FLII: variants seen among roughly 807,000 people sequenced by gnomAD.
FLII encodes FLII actin remodeling protein.
FLII carries 101 observed loss-of-function variants against 156.2 expected under a neutral mutation model. The ratio of observed to expected loss-of-function variants is 0.65; its 90% CI spans 0.55 to 0.76. The LOEUF (loss-of-function observed/expected upper bound fraction) is 0.76. Ranked by LOEUF, FLII falls within the 30% of genes least tolerant of loss-of-function variation. FLII has a pLI of 0.00. For missense variants in FLII, 1,675 were observed against 1,682.8 expected (o/e 1.00, Z 0.08); for synonymous variants, 767 against 685.8 (o/e 1.12, Z -1.85).
In FLII at chr17:18,248,040, G is replaced by C; in HGVS notation, c.2191-7C>G. 6.3e-7 allele frequency: 1 copy of C among 1,597,782 alleles called. No homozygotes were observed. Among genetic ancestry groups the C allele is most frequent in the Non-Finnish European group, 8.6e-7 (1 of 1,166,200 alleles). The stretch of plus-strand genomic sequence containing the variant: ...AGCCCAAGCCCAGGCCCACCTGGCA[G>C]GAAGGATGAGCATGGCAGGGAAGGG... On this transcript the variant is annotated splice_region_variant and splice_polypyrimidine_tract_variant and intron_variant, in intron 18 of 29. Transcript: ENST00000327031.
At chr17:18,257,439 T>C (rs57490980) in intron 1 of FLII, among the ~76,000 whole-genome samples, 2 of 152,074 alleles carry the variant, frequency 1.3e-5, no homozygotes, top group African/African-American at 4.8e-5. Context: ...ATCAGCACAC[T>C]GGCAACTCAC....
chr17:18,247,955 C>A lies in FLII; in HGVS notation c.2269G>T (p.Val757Leu), dbSNP rs1482613474. The change falls in exon 19 of 30, where the codon GTG (valine) becomes TTG (leucine). Residue 757 changes from valine to leucine, a missense_variant. This residue lies in a region of FLII where 1,332 missense variants were observed against 1,269.3 expected (regional missense o/e 1.05). Transcript: ENST00000327031. ...LSVEHKQRPK[V>L]ELMPRMRLLQ... ...AGCCGCATTCTTGGCATCAGCTCCA[C>A]CTTGGGACGCTGCTTATGTTCCACG... 1 of 1,614,076 alleles carries A rather than the reference C, an allele frequency of 6.2e-7. No individual in the cohort carries two copies. The highest frequency in any genetic ancestry group is 8.5e-7 in the Non-Finnish European group (1 of 1,180,016).
intron 7 of FLII, 72 bp downstream of exon 7, chr17:18,254,007 C>T (rs1210506964): frequency 3.3e-6 from 4 of 1,197,878 alleles, no homozygotes; most frequent in Non-Finnish European, 3.6e-6. Context: ...CAGGGTTCAA[C>T]CCCTTCCACC....
In FLII at chr17:18,245,145, A is replaced by G; in HGVS notation, c.3803T>C (p.Leu1268Pro). 2 of 1,612,506 alleles carry G rather than the reference A, an allele frequency of 1.2e-6. No homozygotes were observed. Among genetic ancestry groups the G allele is most frequent in the Non-Finnish European group, 1.7e-6 (2 of 1,179,128 alleles). ...FHAWSAFCKA[L>P]A Reference sequence around the variant, plus strand: ...GGGCTGTGCCAGCCTGTCTTAGGCCAGGGCCTTGCAGAAGGCGCTCCAGGC... The same window carrying G: ...GGGCTGTGCCAGCCTGTCTTAGGCCGGGGCCTTGCAGAAGGCGCTCCAGGC... The change falls in exon 30 of 30, where the codon CTG becomes CCG. Residue 1268 changes from leucine (L) to proline (P), a missense_variant. Coordinates refer to ENST00000327031, the MANE Select transcript of FLII (RefSeq NM_002018.4).
intron 20 of FLII, 128 bp from the exon 21 acceptor site, chr17:18,247,485 C>T (rs2048116756): frequency 2.8e-6 from 3 of 1,087,626 alleles, no homozygotes; most frequent in South Asian, 3.1e-5. Context: ...GCCTCGGACA[C>T]GGAGGTAGGA....
Position 18,244,995 on chromosome 17 carries a change from T to G in FLII, c.*143A>C. 6 of 879,882 alleles carry G rather than the reference T, an allele frequency of 6.8e-6. No homozygotes were observed. Among genetic ancestry groups the G allele is most frequent in the Non-Finnish European group, 1.1e-5 (6 of 566,024 alleles). 54.5% of individuals were successfully genotyped at this position (879,882 alleles called of 1,614,324 possible). On this transcript the variant is annotated 3_prime_UTR_variant, in exon 30 of 30. Coordinates refer to ENST00000327031, the MANE Select transcript of FLII (RefSeq NM_002018.4). ...AGGGCACCTGTCAGGGTCATCCCCA[T>G]TGGTGCTGCTTGAGGCTACTGGGGA...
At position 18,252,564 on chromosome 17, in the gene FLII, G is replaced by A; in HGVS notation, c.1014-8C>T. 6.2e-7 allele frequency: 1 copy of A among 1,612,514 alleles called. No homozygotes were observed. The highest frequency in any genetic ancestry group is 8.5e-7 in the Non-Finnish European group (1 of 1,179,094). ...TTCCTCAGCTTTGGGCACCTGTGAA[G>A]ACAGGGCCAGCCAGGGCCTCAGGCA... On this transcript the variant is annotated splice_region_variant and splice_polypyrimidine_tract_variant and intron_variant, in intron 9 of 29. Coordinates refer to ENST00000327031, the MANE Select transcript of FLII (RefSeq NM_002018.4).
Position 18,256,959 on chromosome 17 carries a change from G to A in FLII, c.124C>T (p.Arg42Cys), listed in dbSNP as rs368020590. ...MTSLRWLKLN[R>C]TGLCYLPEEL... ...TCGGGCAGGTAGCAGAGGCCAGTGC[G>A]GTTCAGCTTCAGCCACCGCAGGCTG... The change falls in exon 2 of 30, where the codon CGC becomes TGC. Residue 42 changes from arginine to cysteine, a missense_variant. This residue lies in a region of FLII where 343 missense variants were observed against 413.5 expected (regional missense o/e 0.83). Transcript: ENST00000327031. The A allele has an allele frequency of 4.1e-5, 66 of 1,612,112 alleles. No individual in the cohort carries two copies. Among genetic ancestry groups the A allele is most frequent in the South Asian group, 3.3e-4 (30 of 90,634 alleles).
intron 14 of FLII, among the ~76,000 whole-genome samples, chr17:18,250,194 C>T (rs1403092988): frequency 4.6e-5 from 7 of 152,138 alleles, no homozygotes; most frequent in Non-Finnish European, 1.0e-4. Flanking sequence ...AATATGGACA[C>T]GTTCACCCAC....
rs1437745760 is a variant in FLII at position 18,244,835 on chromosome 17, A to G, written c.*303T>C. The G allele has an allele frequency of 2.6e-6, 1 of 385,982 alleles. No individual in the cohort carries two copies. The highest frequency in any genetic ancestry group is 4.6e-6 in the Non-Finnish European group (1 of 218,472). 23.9% of individuals were successfully genotyped at this position (385,982 alleles called of 1,614,324 possible). A position where few individuals can be genotyped will look rare whatever the true frequency, so the allele number is the denominator to read the frequency against. On this transcript the variant is annotated 3_prime_UTR_variant, in exon 30 of 30. Transcript: ENST00000327031. ...CGCCATTTTAATATTAAAAATACTG[A>G]TTTTTAATATTGAAAATAAAAGCAT...
rs542398628 is a variant in FLII at position 18,254,375 on chromosome 17, T to C, written c.575+146A>G. On this transcript the variant is annotated intron_variant, in intron 6 of 29. Transcript: ENST00000327031. The stretch of plus-strand genomic sequence containing the variant: ...CAGGACTGAGAGGTGGACATGATAC[T>C]TAGGAGGTTGTACACTGAGGGGTGC... 1.1e-5 allele frequency: 9 copies of C among 854,924 alleles called. No individual in the cohort carries two copies. In the East Asian group the frequency reaches 2.4e-4, roughly 23 times the overall value. 53.0% of individuals were successfully genotyped at this position (854,924 alleles called of 1,614,324 possible). A position where few individuals can be genotyped will look rare whatever the true frequency, so the allele number is the denominator to read the frequency against.
At chr17:18,254,943 G>C in intron 4 of FLII, 89 bp from the exon 5 acceptor site, 2 of 1,327,638 alleles carry the variant, frequency 1.5e-6, no homozygotes. Context: ...GCACTGAGTT[G>C]GGTGTGGGGG....
chr17:18,258,794 C>T (rs1221556188), upstream of FLII: 2 of 654,324 alleles, frequency 3.1e-6, no homozygotes, highest in African/African-American at 1.9e-5. This position sits in a 1 kb window ranked among gnomAD's most constrained non-coding sequence, Gnocchi z 4.2. Context: ...CCCTTTAACC[C>T]GCCCGCGCCC....
At chr17:18,248,949 A>G in intron 16 of FLII, 66 bp from the exon 17 acceptor site, 2 of 1,476,660 alleles carry the variant, frequency 1.4e-6, no homozygotes, top group Middle Eastern at 1.7e-4. Context: ...CATGCTCCTG[A>G]CCCCACCAAA....
chr17:18,258,752 G>GGAGCCGCGGGCTGGGCC (rs1224243723), upstream of FLII: 1 of 1,207,312 alleles, frequency 8.3e-7, no homozygotes, highest in East Asian at 3.4e-5. The surrounding 1 kb of genome is among the most constrained non-coding windows in gnomAD (Gnocchi z 4.2). Context: ...GGCGCTGGGG[G>GGAGCCGCGGGCTGGGCC]GAGCCGCGGG....
At chr17:18,250,395 C>G (rs2048222736) in intron 14 of FLII, among the ~76,000 whole-genome samples, 2 of 152,160 alleles carry the variant, frequency 1.3e-5, no homozygotes, top group Admixed American at 1.3e-4. Context: ...GCGGCTAACA[C>G]TGCTCAGTAA....
chr17:18,246,761 T>TGCCCTCGGCCTTCTCC lies in FLII; in HGVS notation c.2868_2883dup (p.Lys962GlyfsTer14). The TGCCCTCGGCCTTCTCC allele has an allele frequency of 6.2e-7, 1 of 1,613,994 alleles. No homozygotes were observed. The highest frequency in any genetic ancestry group is 8.5e-7 in the Non-Finnish European group (1 of 1,179,922). The stretch of plus-strand genomic sequence containing the variant: ...TCAGCGGTTGCTTCCTCGCCTTCTT[T>TGCCCTCGGCCTTCTCC]GCCCTCGGCCTTCTCCTCCTTGTCT... On this transcript the variant is annotated frameshift_variant, in exon 23 of 30. Transcript: ENST00000327031. LOFTEE classifies it high-confidence loss of function.
Position 18,252,039 on chromosome 17 carries a change from T to G in FLII, c.1206A>C (p.Leu402=). 6 of 1,613,226 alleles carry G rather than the reference T, an allele frequency of 3.7e-6. No homozygotes were observed. The highest frequency in any genetic ancestry group is 5.1e-6 in the Non-Finnish European group (6 of 1,179,978). The change falls in exon 11 of 30, where the codon CTA becomes CTC. Residue 402 remains leucine, a synonymous_variant. Transcript: ENST00000327031. ...IDFSLQNQLR[L]AGASPATVAA... ...CCACGGTAGCAGGAGAGGCACCCGC[T>G]AGCCGCAGCTGGTTCTGCAGCGAGA... is the stretch of plus-strand genomic sequence containing the variant.
Position 18,249,478 on chromosome 17 carries a change from T to TG in FLII, c.1777-71dup, listed in dbSNP as rs143961427. Reference sequence around the variant, plus strand: ...CCCCCACCAACCACTGCCCCTCAGGTGGGGGTACAGAGTTGCATACAGGTG... The same window carrying TG: ...CCCCCACCAACCACTGCCCCTCAGGTGGGGGGTACAGAGTTGCATACAGGTG... On this transcript the variant is annotated intron_variant, in intron 14 of 29. Coordinates refer to ENST00000327031, the MANE Select transcript of FLII (RefSeq NM_002018.4). 7.7e-3 allele frequency: 9,422 copies of TG among 1,218,582 alleles called. 315 individuals are homozygous for TG. The African/African-American group carries it at 0.089, about 12-fold the overall frequency. 75.5% of individuals were successfully genotyped at this position (1,218,582 alleles called of 1,614,324 possible). A position where few individuals can be genotyped will look rare whatever the true frequency, so the allele number is the denominator to read the frequency against.
Sources: allele counts gnomAD v4.1 joint callset (sites outside exome capture counted in the v4.1 genomes callset), GRCh38; gene constraint gnomAD v4.1.1; regional missense constraint gnomAD v4.1.1; non-coding constraint Gnocchi (gnomAD v3.1); transcripts MANE v1.5; gene names NCBI Gene and HGNC (gene_info 2026-07-23, HGNC 2026-07-21).